The following HGSNAT variants were observed in gnomAD, a reference collection of about 807,000 sequenced individuals.
The protein encoded by HGSNAT is transmembrane protein 76.
In HGSNAT, 59 loss-of-function variants were observed where a neutral mutation model predicts 85.2. The ratio of observed to expected loss-of-function variants is 0.69; its 90% confidence interval spans 0.56 to 0.86. The LOEUF is 0.86. Among genes scored for constraint, HGSNAT ranks in the 40% least tolerant of loss-of-function variants. The probability of loss-of-function intolerance (pLI) is 0.00; values close to 1 mark genes in which losing one functional copy is unlikely to be tolerated. For synonymous variants in HGSNAT, 321 were observed against 304.5 expected (o/e 1.05, Z -0.56); for missense variants, 756 against 777.1 (o/e 0.97, Z 0.32).
intron 1 of HGSNAT, among the ~76,000 whole-genome samples, chr8:43,141,500 C>T (rs1015254973): frequency 6.6e-6 from 1 of 152,130 alleles, no homozygotes; most frequent in Non-Finnish European, 1.5e-5. Flanking sequence ...CCGGGGAGCC[C>T]CAGGCCCTAG....
intron 5 of HGSNAT, among the ~76,000 whole-genome samples, chr8:43,163,567 C>T (rs939600857): frequency 2.0e-5 from 3 of 150,884 alleles, no homozygotes; most frequent in Non-Finnish European, 4.4e-5. Flanking sequence ...CACTCTGCCA[C>T]GCAGGCTGGA....
At chr8:43,162,875 A>T (rs1803311153) in intron 5 of HGSNAT, among the ~76,000 whole-genome samples, 1 of 152,074 alleles carries the variant, frequency 6.6e-6, no homozygotes, top group African/African-American at 2.4e-5. Context: ...TGGTCATATT[A>T]CATGACTTTT....
chr8:43,186,343 A>G (rs941928918), intron 11 of HGSNAT, among the ~76,000 whole-genome samples: 6 of 152,088 alleles, frequency 3.9e-5, no homozygotes, highest in Admixed American at 1.3e-4. Flanking sequence ...CAGGGATTCA[A>G]CTTCTTCCTG....
At chr8:43,180,723 T>C (rs1452893385) in intron 10 of HGSNAT, 3 of 314,520 alleles carry the variant, frequency 9.5e-6, no homozygotes, top group Non-Finnish European at 1.2e-5. Flanking sequence ...CAATCTCGGC[T>C]CTCCGGGAGG....
chr8:43,192,465 T>G (rs1050764728), intron 13 of HGSNAT, 35 bp downstream of exon 13: 1 of 1,564,180 alleles, frequency 6.4e-7, no homozygotes, highest in Admixed American at 1.9e-5. Context: ...GAACTGGAAC[T>G]CAGGCTTTCA....
rs121908284 is a variant in HGSNAT at position 43,193,824 on chromosome 8, T to A, written c.1445T>A (p.Met482Lys). Residue 482 changes from methionine (M) to lysine (K), a missense_variant, in exon 14 of 18, where the codon ATG becomes AAG. Transcript: ENST00000379644. Reference protein sequence around the residue: ...GILGTINSIVMAFLGVQAGKI... With the variant: ...GILGTINSIVKAFLGVQAGKI... ...CTGGGCACCATCAACTCCATCGTGA[T>A]GGCCTTTTTAGGAGTTCAGGTATTT... The A allele has an allele frequency of 7.4e-6, 12 of 1,613,764 alleles. No homozygotes were observed. The highest frequency in any genetic ancestry group is 1.0e-5 in the Non-Finnish European group (12 of 1,179,778).
intron 4 of HGSNAT, among the ~76,000 whole-genome samples, chr8:43,160,336 T>C (rs1406944880): frequency 6.6e-6 from 1 of 152,182 alleles, no homozygotes; most frequent in Non-Finnish European, 1.5e-5. Context: ...ATGAAGTAAG[T>C]GATTGTGATT....
At position 43,192,356 on chromosome 8, in the gene HGSNAT, A is replaced by G; in HGVS notation, c.1303A>G (p.Thr435Ala). ...IGDFGKYPNC[T>A]GGAAGYIDRL... The stretch of plus-strand genomic sequence containing the variant: ...AGATTTTGGCAAGTATCCAAATTGC[A>G]CTGGAGGAGCTGCAGGCTACATCGA... The change falls in exon 13 of 18, where the codon ACT becomes GCT. Residue 435 changes from threonine (T) to alanine (A), a missense_variant. By Grantham distance (58) the Thr-to-Ala change is moderately conservative. Coordinates refer to ENST00000379644, the MANE Select transcript of HGSNAT (RefSeq NM_152419.3). The G allele has an allele frequency of 6.2e-7, 1 of 1,612,356 alleles. No homozygotes were observed.
intron 5 of HGSNAT, among the ~76,000 whole-genome samples, chr8:43,162,424 G>T (rs1803294654): frequency 6.6e-6 from 1 of 152,186 alleles, no homozygotes; most frequent in South Asian, 2.1e-4. Context: ...GTTTTTTAGG[G>T]ATAGAGGAAG....
intron 5 of HGSNAT, among the ~76,000 whole-genome samples, chr8:43,163,607 A>C (rs1410397717): frequency 6.6e-6 from 1 of 150,382 alleles, no homozygotes; most frequent in Non-Finnish European, 1.5e-5. Flanking sequence ...GCTCGCTGCA[A>C]CCTCTGCCTC....
intron 11 of HGSNAT, among the ~76,000 whole-genome samples, chr8:43,183,813 G>A (rs923847249): frequency 2.0e-5 from 3 of 152,070 alleles, no homozygotes; most frequent in African/African-American, 4.8e-5. Context: ...AGGCCCCGGT[G>A]TGTGATGTTC....
intron 14 of HGSNAT, 105 bp downstream of exon 14, chr8:43,193,948 G>C (rs1804626388): frequency 9.8e-6 from 15 of 1,532,450 alleles, no homozygotes; most frequent in Non-Finnish European, 1.1e-5. Context: ...ATTCTCTCTT[G>C]TGCTATGGGC....
chr8:43,158,548 G>T, intron 2 of HGSNAT, 27 bp from the exon 3 acceptor site: 1 of 1,613,424 alleles, frequency 6.2e-7, no homozygotes, highest in Non-Finnish European at 8.5e-7. Context: ...ACCTCTGGCG[G>T]TTGACCTGTT....
At chr8:43,167,250 A>G (rs1803462440) in intron 5 of HGSNAT, among the ~76,000 whole-genome samples, 1 of 152,238 alleles carries the variant, frequency 6.6e-6, no homozygotes, top group Non-Finnish European at 1.5e-5. Context: ...GATTGACTCT[A>G]ATTTTGAAAG....
intron 2 of HGSNAT, among the ~76,000 whole-genome samples, chr8:43,151,594 AAGC>A (rs1236609454): frequency 6.6e-6 from 1 of 152,264 alleles, no homozygotes; most frequent in African/African-American, 2.4e-5. Context: ...AAATTAAAAA[AAGC>A]AGGGATTATG....
chr8:43,199,612 T>TG lies in HGSNAT; in HGVS notation c.*44dup. On this transcript the variant is annotated 3_prime_UTR_variant, in exon 18 of 18. Coordinates refer to ENST00000379644, the MANE Select transcript of HGSNAT (RefSeq NM_152419.3). ...TGCTGCTGGAAGACTCTAGTAGGCC[T>TG]GCAGGGAGGACTGAAGCAGCCTTTG... 7.1e-7 allele frequency: 1 copy of TG among 1,413,694 alleles called. No homozygotes were observed. The highest frequency in any genetic ancestry group is 9.4e-7 in the Non-Finnish European group (1 of 1,061,404). The allele number at this position is 1,413,694 out of a possible 1,614,324, so 87.6% of individuals were successfully genotyped here.
intron 14 of HGSNAT, chr8:43,194,344 G>T: frequency 1.0e-6 from 1 of 953,230 alleles, no homozygotes; most frequent in Non-Finnish European, 1.2e-6. Flanking sequence ...GCTGCAGTGA[G>T]CCTTGATTGC....
chr8:43,173,563 G>A (rs571611282), intron 8 of HGSNAT, 150 bp from the exon 9 acceptor site: 5 of 800,828 alleles, frequency 6.2e-6, no homozygotes, highest in African/African-American at 1.7e-5. Flanking sequence ...GCTCGCCTCG[G>A]CCCCCACAAA....
chr8:43,198,837 ATTTTAG>A (rs950551675), intron 17 of HGSNAT, among the ~76,000 whole-genome samples: 5 of 152,296 alleles, frequency 3.3e-5, no homozygotes, highest in African/African-American at 1.2e-4. Context: ...ATTAATAATA[ATTTTAG>A]CTTTCCTTTC....
Sources: allele counts gnomAD v4.1 joint callset (sites outside exome capture counted in the v4.1 genomes callset), GRCh38; gene constraint gnomAD v4.1.1; transcripts MANE v1.5; gene names NCBI Gene and HGNC (gene_info 2026-07-23, HGNC 2026-07-21).